ECT2L: variants seen among roughly 807,000 people sequenced by gnomAD.
The protein encoded by ECT2L is epithelial cell-transforming sequence 2 oncogene-like.
Under a neutral mutation model 122.8 loss-of-function variants are expected in ECT2L, and 126 were observed. The ratio of observed to expected loss-of-function variants is 1.03; its 90% CI spans 0.89 to 1.19. ECT2L has a LOEUF of 1.19. Ranked by LOEUF, ECT2L falls within the 50% of genes most tolerant of loss-of-function variation. The pLI, the probability that ECT2L is intolerant of heterozygous loss-of-function variation, is 0.00. For missense variants in ECT2L, 1,012 were observed against 1,064.1 expected (o/e 0.95, Z 0.68); for synonymous variants, 385 against 381.8 (o/e 1.01, Z -0.10).
In ECT2L at chr6:138,902,945, A is replaced by G. The variant is rs1237081994; in HGVS notation, c.*318A>G. On this transcript the variant is annotated 3_prime_UTR_variant, in exon 22 of 22. Transcript: ENST00000541398. ...AGCACATTGTGTAAAGCTTTGTTTTATGATCTAATGAAAAAAGCAGAATGA... is the reference window on the plus strand; with the variant it reads ...AGCACATTGTGTAAAGCTTTGTTTTGTGATCTAATGAAAAAAGCAGAATGA... 1 of 250,662 alleles carries G rather than the reference A, an allele frequency of 4.0e-6. No homozygotes were observed. The highest frequency in any genetic ancestry group is 1.3e-4 in the East Asian group (1 of 7,420). 15.5% of individuals were successfully genotyped at this position (250,662 alleles called of 1,614,324 possible). A position where few individuals can be genotyped will look rare whatever the true frequency, so the allele number is the denominator to read the frequency against.
intron 4 of ECT2L, among the ~76,000 whole-genome samples, chr6:138,821,694 T>C (rs183534492): frequency 5.4e-4 from 82 of 152,378 alleles, no homozygotes; most frequent in African/African-American, 1.9e-3. Flanking sequence ...AAATATTGAC[T>C]GAGTGCCTAC....
chr6:138,806,020 C>A (rs547923874), intron 1 of ECT2L, among the ~76,000 whole-genome samples: 3 of 152,186 alleles, frequency 2.0e-5, no homozygotes, highest in African/African-American at 7.2e-5. Flanking sequence ...ACACAGAATA[C>A]CTTTATTTCA....
At chr6:138,843,368 T>A in intron 6 of ECT2L, 137 bp downstream of exon 6, 1 of 843,078 alleles carries the variant, frequency 1.2e-6, no homozygotes, top group Non-Finnish European at 1.7e-6. Flanking sequence ...CCAGATGAGC[T>A]TTTTTCCGTA....
Position 138,876,526 on chromosome 6 carries a change from A to G in ECT2L, c.1633A>G (p.Asn545Asp), listed in dbSNP as rs1305932180. ...SWDTKSRLSK[N>D]DLNFEALINL... Reference sequence around the variant, plus strand: ...GGACACAAAGTCCAGGCTCAGCAAAAATGATTTAAATTTTGAAGCACTGAT... The same window carrying G: ...GGACACAAAGTCCAGGCTCAGCAAAGATGATTTAAATTTTGAAGCACTGAT... The change falls in exon 14 of 22, where the codon AAT becomes GAT. Residue 545 changes from asparagine (N) to aspartate (D), a missense_variant. Coordinates refer to ENST00000541398, the MANE Select transcript of ECT2L (RefSeq NM_001077706.3). The G allele has an allele frequency of 6.2e-7, 1 of 1,613,006 alleles. No individual in the cohort carries two copies. Among genetic ancestry groups the G allele is most frequent in the Non-Finnish European group, 8.5e-7 (1 of 1,179,218 alleles).
intron 14 of ECT2L, 33 bp from the exon 15 acceptor site, chr6:138,880,924 T>A: frequency 6.3e-7 from 1 of 1,589,110 alleles, no homozygotes; most frequent in East Asian, 2.3e-5. Flanking sequence ...TACTTCTCCA[T>A]CACTGACTTG....
At chr6:138,833,187 G>T (rs767434149) in intron 4 of ECT2L, among the ~76,000 whole-genome samples, 1 of 152,188 alleles carries the variant, frequency 6.6e-6, no homozygotes, top group South Asian at 2.1e-4. Context: ...ATTAAAATTG[G>T]AGATGAGATA....
chr6:138,870,635 T>G (rs988934523), intron 13 of ECT2L, among the ~76,000 whole-genome samples: 2 of 151,618 alleles, frequency 1.3e-5, no homozygotes, highest in Non-Finnish European at 2.9e-5. Flanking sequence ...GGGGAATTTT[T>G]TTTTGAGGGA....
intron 13 of ECT2L, chr6:138,870,175 G>C (rs979602597): frequency 2.0e-5 from 3 of 152,566 alleles, no homozygotes; most frequent in Non-Finnish European, 4.4e-5. Context: ...TCTTGCGGGG[G>C]GGTTGGGCAT....
At chr6:138,838,596 C>A (rs1776929022) in intron 5 of ECT2L, 82 bp downstream of exon 5, 2 of 1,395,462 alleles carry the variant, frequency 1.4e-6, no homozygotes, top group African/African-American at 1.5e-5. Context: ...GCTCCCGTCC[C>A]TGAAGACAAT....
chr6:138,858,695 TCC>T (rs1389859944), intron 10 of ECT2L, among the ~76,000 whole-genome samples: 1 of 135,406 alleles, frequency 7.4e-6, no homozygotes, highest in Non-Finnish European at 1.5e-5. Flanking sequence ...TCTAGAATTT[TCC>T]TTTTTTTTTT....
At chr6:138,828,657 A>T (rs899794240) in intron 4 of ECT2L, among the ~76,000 whole-genome samples, 5 of 152,160 alleles carry the variant, frequency 3.3e-5, no homozygotes, top group African/African-American at 1.2e-4. Context: ...TTTACTAGTT[A>T]GCATACTTCT....
intron 20 of ECT2L, among the ~76,000 whole-genome samples, chr6:138,893,953 TA>T (rs1316058381): frequency 6.6e-6 from 1 of 152,240 alleles, no homozygotes; most frequent in Non-Finnish European, 1.5e-5. Context: ...TTTGGGGTGA[TA>T]ACTTCAATTC....
rs570470755 is a variant in ECT2L at position 138,856,049 on chromosome 6, G to C, written c.1198+1895G>C. Reference sequence around the variant, plus strand: ...GTAATATCCACCTGGATGCATCAAAGATCATTGACTTCTCAGTCCAAATGT... The same window carrying C: ...GTAATATCCACCTGGATGCATCAAACATCATTGACTTCTCAGTCCAAATGT... On this transcript the variant is annotated intron_variant, in intron 10 of 21. Coordinates refer to ENST00000541398, the MANE Select transcript of ECT2L (RefSeq NM_001077706.3). Among the ~76,000 whole-genome samples, 93 of 152,268 alleles carry C rather than the reference G, an allele frequency of 6.1e-4. 1 individual carries two copies. In the South Asian group the frequency reaches 0.019, roughly 31 times the overall value.
chr6:138,809,433 TC>T (rs1775817996), intron 1 of ECT2L, among the ~76,000 whole-genome samples: 1 of 152,122 alleles, frequency 6.6e-6, no homozygotes, highest in Non-Finnish European at 1.5e-5. Context: ...GCCACTGCAC[TC>T]CAGCCTGGGC....
At chr6:138,817,258 T>A (rs116592332) in intron 4 of ECT2L, among the ~76,000 whole-genome samples, 1 of 152,216 alleles carries the variant, frequency 6.6e-6, no homozygotes, top group African/African-American at 2.4e-5. Flanking sequence ...GTCCAAGTTT[T>A]GCATAGAGAT....
At chr6:138,803,700 A>T (rs981174405) in intron 1 of ECT2L, among the ~76,000 whole-genome samples, 2 of 152,188 alleles carry the variant, frequency 1.3e-5, no homozygotes, top group African/African-American at 4.8e-5. Flanking sequence ...CAAATACTAA[A>T]TCACTTGTAA....
At chr6:138,804,871 A>G (rs969799527) in intron 1 of ECT2L, among the ~76,000 whole-genome samples, 7 of 152,210 alleles carry the variant, frequency 4.6e-5, no homozygotes, top group African/African-American at 1.7e-4. Flanking sequence ...AATACAGGAC[A>G]TAGAAAAACA....
chr6:138,846,669 G>C lies in ECT2L; in HGVS notation c.895G>C (p.Ala299Pro), dbSNP rs1398365936. ...HFMLISSRIP[A>P]YEMVMESVKA... The stretch of plus-strand genomic sequence containing the variant: ...CATGTTAATATCATCCCGGATTCCT[G>C]CGTATGAGGTAGAGTATGTTATGAG... The change falls in exon 8 of 22, where the codon GCG (alanine) becomes CCG (proline). Residue 299 changes from alanine to proline, a missense_variant. Physicochemically the swap from Ala to Pro is conservative, Grantham distance 27. Coordinates refer to ENST00000541398, the MANE Select transcript of ECT2L (RefSeq NM_001077706.3). 6.3e-7 allele frequency: 1 copy of C among 1,599,330 alleles called. No individual in the cohort carries two copies. Among genetic ancestry groups the C allele is most frequent in the Non-Finnish European group, 8.5e-7 (1 of 1,174,054 alleles).
chr6:138,885,434 T>C lies in ECT2L; in HGVS notation c.2029-72T>C, dbSNP rs886516827. 10 of 1,466,452 alleles carry C rather than the reference T, an allele frequency of 6.8e-6. No homozygotes were observed. The African/African-American group carries it at 7.0e-5, about 10-fold the overall frequency. 90.8% of individuals were successfully genotyped at this position (1,466,452 alleles called of 1,614,324 possible). A position where few individuals can be genotyped will look rare whatever the true frequency, so the allele number is the denominator to read the frequency against. ...TTTGCTTCAGGCATTCCATAGATCA[T>C]GCTTGCTCAGTGGAACAGTGGACTT... On this transcript the variant is annotated intron_variant, in intron 16 of 21. Coordinates refer to ENST00000541398, the MANE Select transcript of ECT2L (RefSeq NM_001077706.3).
Sources: gnomAD v4.1 joint callset for allele counts (sites outside exome capture counted in the v4.1 genomes callset) on GRCh38, gnomAD v4.1.1 for gene constraint, MANE v1.5 for transcripts, NCBI Gene and HGNC (gene_info 2026-07-23, HGNC 2026-07-21) for gene names.